Variants in CNTNAP2 observed in about 807,000 individuals in gnomAD.
The protein encoded by CNTNAP2 is contactin associated protein 2, also known as contactin-associated protein-like 2.
A neutral mutation model predicts 155.2 loss-of-function variants in CNTNAP2; 98 were observed. That is an observed-to-expected ratio of 0.63 (90% CI 0.54 to 0.75). The LOEUF (loss-of-function observed/expected upper bound fraction) is 0.75. CNTNAP2 is among the 30% of genes least tolerant of loss of function. CNTNAP2 has a pLI of 0.00. For missense variants in CNTNAP2, 1,727 were observed against 1,688.1 expected, an observed-to-expected ratio of 1.02 and a Z score of -0.40; for synonymous variants, 651 against 631.2, an observed-to-expected ratio of 1.03 and a Z score of -0.47.
In CNTNAP2 at chr7:147,108,249, C is replaced by T. The variant is rs771028883; in HGVS notation, c.653C>T (p.Thr218Met). Residue 218 changes from threonine (T) to methionine (M), a missense_variant, in exon 5 of 24, where the codon ACG becomes ATG. By Grantham distance (81) the Thr-to-Met change is moderately conservative. Transcript: ENST00000361727. The stretch of plus-strand genomic sequence containing the variant: ...GATGTCATTGCCTTGAACTTTAAGA[C>T]GTCTGAAAGTGAAGGAGTAATCCTG... ...LKDVIALNFK[T>M]SESEGVILHG... 4.2e-5 allele frequency: 67 copies of T among 1,613,396 alleles called. No homozygotes were observed. The highest frequency in any genetic ancestry group is 2.0e-4 in the East Asian group (9 of 44,832).
chr7:146,342,663 A>T (rs1309869856), intron 1 of CNTNAP2, among the ~76,000 whole-genome samples: 1 of 152,212 alleles, frequency 6.6e-6, no homozygotes, highest in Non-Finnish European at 1.5e-5. Flanking sequence ...AATAAGGTGT[A>T]TCTATGTAAT....
At chr7:148,339,442 C>T (rs1312861065) in intron 21 of CNTNAP2, 1 of 152,216 alleles carries the variant, frequency 6.6e-6, no homozygotes, top group East Asian at 1.9e-4. Context: ...GTTTTGCGTC[C>T]TCCCCTCACC....
chr7:147,013,586 A>T (rs1798665269), intron 3 of CNTNAP2, among the ~76,000 whole-genome samples: 1 of 151,834 alleles, frequency 6.6e-6, no homozygotes, highest in African/African-American at 2.4e-5. Context: ...TGTCTTCAGG[A>T]TCTAGTTCTC....
intron 13 of CNTNAP2, among the ~76,000 whole-genome samples, chr7:147,743,656 A>T (rs560677320): frequency 6.6e-6 from 1 of 150,648 alleles, no homozygotes; most frequent in East Asian, 2.0e-4. Flanking sequence ...CACTTAGTTG[A>T]GTGCCATTTT....
At chr7:146,468,969 C>T (rs2129126177) in intron 1 of CNTNAP2, among the ~76,000 whole-genome samples, 1 of 152,258 alleles carries the variant, frequency 6.6e-6, no homozygotes, top group Admixed American at 6.5e-5. Context: ...GCACAGGATA[C>T]TGTATAGAAC....
rs1563081289 is a variant in CNTNAP2, at chr7:148,416,541, T to TTC, written c.*925_*926insTC. On this transcript the variant is annotated 3_prime_UTR_variant, in exon 24 of 24. Coordinates refer to ENST00000361727, the MANE Select transcript of CNTNAP2 (RefSeq NM_014141.6). Reference sequence around the variant, plus strand: ...TGCTCTTTTTCTTTTATAGTTTAGTTATAGCAAAAATATGGATAATTTCTA... The same window carrying TTC: ...TGCTCTTTTTCTTTTATAGTTTAGTTTCATAGCAAAAATATGGATAATTTCTA... The TTC allele has an allele frequency of 1.4e-5, 2 of 142,718 alleles. No homozygotes were observed. The highest frequency in any genetic ancestry group is 4.2e-4 in the East Asian group (2 of 4,810). The allele number at this position is 142,718 out of a possible 1,614,324, so 8.8% of individuals were successfully genotyped here.
intron 1 of CNTNAP2, among the ~76,000 whole-genome samples, chr7:146,121,821 A>G (rs183000214): frequency 6.6e-6 from 1 of 152,208 alleles, no homozygotes; most frequent in African/African-American, 2.4e-5. Flanking sequence ...AATAAATTAT[A>G]TGCTTATTTT....
At chr7:146,635,860 A>G (rs575299900) in intron 1 of CNTNAP2, among the ~76,000 whole-genome samples, 2 of 152,178 alleles carry the variant, frequency 1.3e-5, no homozygotes, top group African/African-American at 2.4e-5. Flanking sequence ...AGGGGTTTCA[A>G]ATTACTCTGC....
intron 14 of CNTNAP2, among the ~76,000 whole-genome samples, chr7:147,907,224 T>G (rs113917376): frequency 6.6e-6 from 1 of 151,872 alleles, no homozygotes; most frequent in African/African-American, 2.4e-5. Context: ...GCCTGGCTTA[T>G]TTTTTGTATT....
In CNTNAP2 at chr7:148,283,304, AAAGGAAGGAAGGAAGG is replaced by A. The variant is rs142651719; in HGVS notation, c.3475+16181_3475+16196del. ...GAAAGAAAGAAAGAAAGAAAGAAAG[AAAGGAAGGAAGGAAGG>A]AAAGAAAGAAAGAATTCTTATTATT... On this transcript the variant is annotated intron_variant, in intron 21 of 23. Transcript: ENST00000361727. 2.7e-3 allele frequency among the ~76,000 whole-genome samples: 240 copies of A among 89,428 alleles called. 20 individuals are homozygous for A. The highest frequency in any genetic ancestry group is 0.013 in the African/African-American group (223 of 17,184). 58.7% of individuals were successfully genotyped at this position (89,428 alleles called of 152,430 possible).
At chr7:146,489,985 T>C (rs1307254293) in intron 1 of CNTNAP2, among the ~76,000 whole-genome samples, 1 of 151,988 alleles carries the variant, frequency 6.6e-6, no homozygotes, top group East Asian at 1.9e-4. Flanking sequence ...GTAAAATCAG[T>C]GATGGGTAGG....
At chr7:147,406,438 A>T (rs769104244) in intron 10 of CNTNAP2, among the ~76,000 whole-genome samples, 7 of 152,316 alleles carry the variant, frequency 4.6e-5, no homozygotes, top group Middle Eastern at 3.4e-3. Context: ...AACAGTTTTA[A>T]AAAGATGAAG....
At chr7:147,085,311 A>G (rs1395961502) in intron 4 of CNTNAP2, among the ~76,000 whole-genome samples, 1 of 152,074 alleles carries the variant, frequency 6.6e-6, no homozygotes, top group African/African-American at 2.4e-5. Context: ...CTTGTTAGGA[A>G]CCCGGCCACA....
intron 9 of CNTNAP2, among the ~76,000 whole-genome samples, chr7:147,311,193 TA>T (rs971952526): frequency 6.6e-6 from 1 of 152,100 alleles, no homozygotes; most frequent in African/African-American, 2.4e-5. Context: ...AGAGCCTGAT[TA>T]AAATTTGGTA....
At position 147,129,764 on chromosome 7, in the gene CNTNAP2, T is replaced by C. The variant is rs921763784; in HGVS notation, c.1083+928T>C. The stretch of plus-strand genomic sequence containing the variant: ...AAATGATTTGACAAATGGAAATCCC[T>C]GAATGAATAAACAGTTCAGGTTGAA... On this transcript the variant is annotated intron_variant, in intron 7 of 23. Coordinates refer to ENST00000361727, the MANE Select transcript of CNTNAP2 (RefSeq NM_014141.6). Among the ~76,000 whole-genome samples the C allele has an allele frequency of 6.6e-5, 10 of 152,304 alleles. No individual in the cohort carries two copies. The South Asian group carries it at 2.1e-3, about 32-fold the overall frequency.
chr7:147,973,160 TAAAAAAA>T (rs35756000), intron 14 of CNTNAP2, among the ~76,000 whole-genome samples: 16 of 120,816 alleles, frequency 1.3e-4, no homozygotes, highest in Admixed American at 1.8e-4. Flanking sequence ...TCTCTAAAAT[TAAAAAAA>T]AAAAAAAAAA....
chr7:146,490,407 A>G (rs138208079), intron 1 of CNTNAP2, among the ~76,000 whole-genome samples: 2 of 152,236 alleles, frequency 1.3e-5, no homozygotes, highest in South Asian at 2.1e-4. Context: ...GTAAAATAAA[A>G]AACAATCACA....
chr7:147,920,805 C>CTTT (rs1219556681), intron 14 of CNTNAP2, among the ~76,000 whole-genome samples: 2,482 of 100,634 alleles, frequency 0.025, 176 homozygotes, highest in African/African-American at 0.093. Context: ...CTGCTCCTGT[C>CTTT]TTTTTTTTTT....
At chr7:147,800,509 T>C (rs1386732956) in intron 13 of CNTNAP2, among the ~76,000 whole-genome samples, 1 of 151,860 alleles carries the variant, frequency 6.6e-6, no homozygotes, top group Non-Finnish European at 1.5e-5. Context: ...CCACAAAGAC[T>C]CCTTTGAAGG....
Sources: allele counts gnomAD v4.1 joint callset (sites outside exome capture counted in the v4.1 genomes callset), GRCh38; gene constraint gnomAD v4.1.1; transcripts MANE v1.5; gene names NCBI Gene and HGNC (gene_info 2026-07-23, HGNC 2026-07-21).